Variants in PLEKHM3 observed in about 807,000 individuals in gnomAD.
PLEKHM3 encodes pleckstrin homology domain-containing family M member 3.
A neutral mutation model predicts 81.8 loss-of-function variants in PLEKHM3; 45 were observed. That is an observed-to-expected ratio of 0.55 (90% CI 0.43 to 0.71). The LOEUF is 0.71. Ranked by LOEUF, PLEKHM3 falls within the 30% of genes least tolerant of loss-of-function variation. The pLI is 0.00. For missense variants in PLEKHM3, 788 were observed against 924.3 expected (o/e 0.85, Z 1.91); for synonymous variants, 352 against 356.4 (o/e 0.99, Z 0.14).
chr2:207,871,750 G>T (rs1369876159), intron 6 of PLEKHM3, among the ~76,000 whole-genome samples: 5 of 152,110 alleles, frequency 3.3e-5, no homozygotes, highest in Non-Finnish European at 7.4e-5. Flanking sequence ...CAAGAATGTG[G>T]TCCAAATATT....
At chr2:207,939,854 C>G (rs938847499) in intron 4 of PLEKHM3, among the ~76,000 whole-genome samples, 8 of 152,152 alleles carry the variant, frequency 5.3e-5, no homozygotes, top group African/African-American at 1.9e-4. Context: ...GACTGGAGTA[C>G]AGTGGAGAGC....
rs538160711 is a variant in PLEKHM3 at position 207,895,125 on chromosome 2, G to A, written c.1950+13389C>T. On this transcript the variant is annotated intron_variant, in intron 6 of 7. Coordinates refer to ENST00000427836, the MANE Select transcript of PLEKHM3 (RefSeq NM_001080475.3). The stretch of plus-strand genomic sequence containing the variant: ...CAAAGAAAGATTTTAAGCAGCAGAG[G>A]TATTTTGTGACTTGCTAAAGGATAA... Among the ~76,000 whole-genome samples, 218 of 152,316 alleles carry A rather than the reference G, an allele frequency of 1.4e-3. 1 individual carries two copies. Among genetic ancestry groups the A allele is most frequent in the Middle Eastern group, 6.8e-3 (2 of 294 alleles).
At chr2:207,975,450 CA>C (rs1691272342) in intron 3 of PLEKHM3, among the ~76,000 whole-genome samples, 1 of 152,002 alleles carries the variant, frequency 6.6e-6, no homozygotes, top group South Asian at 2.1e-4. Flanking sequence ...TAAAACCTTC[CA>C]AATCAGATTT....
rs925625929 is a variant in PLEKHM3, at chr2:207,827,361, G to A, written c.*958C>T. ...AAAGAAACTAAAACGACCCTCTTTGGGAATATACTTACTAGATAGCCTTAT... is the reference window on the plus strand; with the variant it reads ...AAAGAAACTAAAACGACCCTCTTTGAGAATATACTTACTAGATAGCCTTAT... On this transcript the variant is annotated 3_prime_UTR_variant, in exon 8 of 8. Transcript: ENST00000427836. 5 of 151,850 alleles carry A rather than the reference G, an allele frequency of 3.3e-5. No homozygotes were observed. The highest frequency in any genetic ancestry group is 2.0e-4 in the Admixed American group (3 of 15,234). 9.4% of individuals were successfully genotyped at this position (151,850 alleles called of 1,614,324 possible).
At chr2:207,956,520 T>C (rs576583457) in intron 3 of PLEKHM3, among the ~76,000 whole-genome samples, 1 of 151,204 alleles carries the variant, frequency 6.6e-6, no homozygotes, top group African/African-American at 2.4e-5. Flanking sequence ...TGAAGCAGAG[T>C]AGCAAAGTAA....
At chr2:207,835,962 C>A (rs1459951455) in intron 7 of PLEKHM3, among the ~76,000 whole-genome samples, 1 of 152,140 alleles carries the variant, frequency 6.6e-6, no homozygotes, top group Admixed American at 6.6e-5. Context: ...ACTGTTGGGA[C>A]AGCTGCACCA....
At chr2:208,021,939 AT>A (rs1195398001) in intron 1 of PLEKHM3, among the ~76,000 whole-genome samples, 3 of 152,162 alleles carry the variant, frequency 2.0e-5, no homozygotes, top group Non-Finnish European at 2.9e-5. Context: ...ATTTGTTCCC[AT>A]TTTGGGGCAT....
chr2:207,923,882 T>TAC (rs1559238821), intron 5 of PLEKHM3, among the ~76,000 whole-genome samples: 1 of 40,134 alleles, frequency 2.5e-5, no homozygotes, highest in East Asian at 7.8e-4. Flanking sequence ...CACACACACA[T>TAC]ATATATATAT....
At chr2:207,888,646 G>A (rs1687957619) in intron 6 of PLEKHM3, among the ~76,000 whole-genome samples, 2 of 152,104 alleles carry the variant, frequency 1.3e-5, no homozygotes, top group South Asian at 2.1e-4. Flanking sequence ...TGCCCACCTC[G>A]GCCTCCCAAA....
chr2:207,947,337 C>G (rs575075271), intron 3 of PLEKHM3, among the ~76,000 whole-genome samples: 1 of 152,330 alleles, frequency 6.6e-6, no homozygotes, highest in South Asian at 2.1e-4. Context: ...CTACAATGCC[C>G]TTTTCAGATC....
chr2:207,951,805 G>C (rs1690337116), intron 3 of PLEKHM3, among the ~76,000 whole-genome samples: 1 of 152,208 alleles, frequency 6.6e-6, no homozygotes, highest in African/African-American at 2.4e-5. Flanking sequence ...GGCTGCAGTT[G>C]TTGTTACTGA....
chr2:207,888,197 T>C (rs1259753415), intron 6 of PLEKHM3, among the ~76,000 whole-genome samples: 1 of 152,170 alleles, frequency 6.6e-6, no homozygotes, highest in Non-Finnish European at 1.5e-5. Flanking sequence ...CACAGACCTT[T>C]TCATTGCTAG....
intron 3 of PLEKHM3, among the ~76,000 whole-genome samples, chr2:207,971,354 A>AT (rs1691113667): frequency 6.6e-6 from 1 of 152,228 alleles, no homozygotes; most frequent in East Asian, 1.9e-4. Flanking sequence ...CTAGTGTTCA[A>AT]TAGCACTATA....
At position 207,976,543 on chromosome 2, in the gene PLEKHM3, C is replaced by T; in HGVS notation, c.1546+108G>A. On this transcript the variant is annotated intron_variant, in intron 3 of 7. Coordinates refer to ENST00000427836, the MANE Select transcript of PLEKHM3 (RefSeq NM_001080475.3). The surrounding 1 kb of genome is among the most constrained non-coding windows in gnomAD (Gnocchi z 4.1). ...CTCGAGGAGAGATACTTTTTATAAA[C>T]AGGAGATAGCTGTGACTAGCCTATT... 2 of 1,050,042 alleles carry T rather than the reference C, an allele frequency of 1.9e-6. No individual in the cohort carries two copies. The highest frequency in any genetic ancestry group is 2.5e-5 in the East Asian group (1 of 39,540). The allele number at this position is 1,050,042 out of a possible 1,614,324, so 65.0% of individuals were successfully genotyped here.
At chr2:208,018,622 T>A (rs979368443) in intron 1 of PLEKHM3, among the ~76,000 whole-genome samples, 1 of 152,124 alleles carries the variant, frequency 6.6e-6, no homozygotes, top group Non-Finnish European at 1.5e-5. Context: ...ATTGGCCACA[T>A]CTATCCATTT....
At chr2:207,880,243 C>T (rs1303691000) in intron 6 of PLEKHM3, among the ~76,000 whole-genome samples, 1 of 151,942 alleles carries the variant, frequency 6.6e-6, no homozygotes, top group Non-Finnish European at 1.5e-5. Flanking sequence ...CCCATCTCTA[C>T]TAAAAACACA....
chr2:208,018,133 G>C (rs1692988657), intron 1 of PLEKHM3, among the ~76,000 whole-genome samples: 1 of 152,138 alleles, frequency 6.6e-6, no homozygotes, highest in South Asian at 2.1e-4. Context: ...CCAGCACTTT[G>C]GGAGGCCAAG....
At chr2:207,977,813 C>A (rs561443466) in intron 2 of PLEKHM3, among the ~76,000 whole-genome samples, 1 of 152,108 alleles carries the variant, frequency 6.6e-6, no homozygotes, top group Non-Finnish European at 1.5e-5. Context: ...AGGCTGGGTG[C>A]GGTGGCACAC....
intron 2 of PLEKHM3, among the ~76,000 whole-genome samples, chr2:207,994,458 C>T (rs1020265202): frequency 6.6e-6 from 1 of 151,518 alleles, no homozygotes; most frequent in East Asian, 1.9e-4. Context: ...TGTCTTTATA[C>T]AACTAAGAGC....
Sources: allele counts gnomAD v4.1 joint callset (sites outside exome capture counted in the v4.1 genomes callset), GRCh38; gene constraint gnomAD v4.1.1; non-coding constraint Gnocchi (gnomAD v3.1); transcripts MANE v1.5; gene names NCBI Gene and HGNC (gene_info 2026-07-23, HGNC 2026-07-21).